Variants in RADX observed in about 807,000 individuals in gnomAD.
RADX encodes RPA-related protein RADX.
In RADX, 36 loss-of-function variants were observed where a neutral mutation model predicts 61.6. That is an observed-to-expected ratio of 0.58 (90% CI 0.45 to 0.77). The LOEUF is 0.77. RADX is among the 30% of genes least tolerant of loss of function. The pLI is 0.00. For missense variants in RADX, 497 were observed against 651.1 expected, an observed-to-expected ratio of 0.76 and a Z score of 2.58; for synonymous variants, 272 against 237.9, an observed-to-expected ratio of 1.14 and a Z score of -1.32.
intron 12 of RADX, among the ~76,000 whole-genome samples, chrX:106,665,735 G>A (rs1036468783): frequency 2.7e-5 from 3 of 111,966 alleles, no homozygotes; most frequent in Non-Finnish European, 5.6e-5. Flanking sequence ...AGAAGACCTC[G>A]TAATTTTGAA....
intron 2 of RADX, among the ~76,000 whole-genome samples, chrX:106,623,099 A>G (rs1926992329): frequency 9.1e-6 from 1 of 110,497 alleles, no homozygotes; most frequent in African/African-American, 3.3e-5. Flanking sequence ...AACATACTCT[A>G]GTCTCCCATT....
At chrX:106,652,990 A>C (rs961225340) in intron 11 of RADX, among the ~76,000 whole-genome samples, 1 of 107,901 alleles carries the variant, frequency 9.3e-6, no homozygotes, top group African/African-American at 3.4e-5. Flanking sequence ...TGTCAAAAAA[A>C]AAAAAAAAAA....
At chrX:106,637,631 G>C in intron 7 of RADX, 129 bp from the exon 8 acceptor site, 2 of 511,876 alleles carry the variant, frequency 3.9e-6, no homozygotes, top group Non-Finnish European at 6.3e-6. Context: ...AAACTTGACT[G>C]TTTTTTTCTT....
At chrX:106,631,305 G>T (rs1927210811) in intron 3 of RADX, among the ~76,000 whole-genome samples, 1 of 111,855 alleles carries the variant, frequency 8.9e-6, no homozygotes, top group Non-Finnish European at 1.9e-5. Flanking sequence ...TCACAGAAGA[G>T]AATGCATATA....
At chrX:106,657,311 T>G (rs1460912285) in intron 11 of RADX, among the ~76,000 whole-genome samples, 3 of 112,481 alleles carry the variant, frequency 2.7e-5, no homozygotes, top group Non-Finnish European at 5.6e-5. Context: ...GAATTAGGCT[T>G]TGGCCTTAGG....
intron 13 of RADX, among the ~76,000 whole-genome samples, chrX:106,671,987 A>C (rs752080346): frequency 1.1e-3 from 122 of 111,566 alleles, no homozygotes; most frequent in Non-Finnish European, 1.8e-3. Flanking sequence ...ATATGTACTC[A>C]AATACACTAG....
intron 8 of RADX, chrX:106,639,198 G>T: frequency 6.7e-6 from 1 of 150,065 alleles, no homozygotes; most frequent in Non-Finnish European, 1.3e-5. Context: ...ATATGTAATA[G>T]TGTTTGAAAT....
At chrX:106,624,106 T>C (rs1216934683) in intron 2 of RADX, among the ~76,000 whole-genome samples, 1 of 111,579 alleles carries the variant, frequency 9.0e-6, no homozygotes, top group Non-Finnish European at 1.9e-5. Context: ...ATACCTCTGC[T>C]CACGTTGTTT....
At chrX:106,622,848 A>C (rs2147613350) in intron 2 of RADX, 55 bp downstream of exon 2, 1 of 694,140 alleles carries the variant, frequency 1.4e-6, no homozygotes, top group East Asian at 3.7e-5. Flanking sequence ...TATAGCTTAC[A>C]CACCTCACTC....
intron 10 of RADX, among the ~76,000 whole-genome samples, chrX:106,644,046 A>G (rs1194557938): frequency 9.0e-6 from 1 of 111,218 alleles, no homozygotes; most frequent in Non-Finnish European, 1.9e-5. Context: ...GCTGTCGTAA[A>G]TGGGATTACT....
At chrX:106,673,728 G>T (rs954316069) in intron 13 of RADX, among the ~76,000 whole-genome samples, 1 of 97,125 alleles carries the variant, frequency 1.0e-5, no homozygotes, top group Non-Finnish European at 2.0e-5. Context: ...TCTGAGTCCA[G>T]TTCAGCACTA....
rs760128227 is a variant in RADX, at chrX:106,612,268, C to T, written c.188C>T (p.Pro63Leu). The part of the protein sequence containing the change: ...IMDSPRQCVT[P>L]SEVVPVTVLA... ...GACTCACCTCGCCAGTGTGTCACCC[C>T]CTCGGAGGTGGTGCCTGTAACTGTG... is the stretch of plus-strand genomic sequence containing the variant. Residue 63 changes from proline to leucine, a missense_variant, in exon 1 of 14, where the codon CCC becomes CTC. Physicochemically the swap from Pro to Leu is moderately conservative, Grantham distance 98 (BLOSUM62 -3). Transcript: ENST00000372548. The T allele has an allele frequency of 5.0e-6, 6 of 1,209,057 alleles. No homozygotes were observed. Among genetic ancestry groups the T allele is most frequent in the Non-Finnish European group, 6.7e-6 (6 of 895,038 alleles).
In RADX at chrX:106,637,920, T is replaced by A. The variant is rs1603044918; in HGVS notation, c.1569T>A (p.Ile523=). Residue 523 remains isoleucine (I), a synonymous_variant, in exon 8 of 14, where the codon ATT becomes ATA. Coordinates refer to ENST00000372548, the MANE Select transcript of RADX (RefSeq NM_018015.6). Reference sequence around the variant, plus strand: ...CATTTTCCAAGTATAGTAGTTCTATTAAAGGTACTAATGTAATTGCCAGTC... The same window carrying A: ...CATTTTCCAAGTATAGTAGTTCTATAAAAGGTACTAATGTAATTGCCAGTC... ...PETFSKYSSS[I]KVESLLTAIS... The A allele has an allele frequency of 8.4e-7, 1 of 1,192,464 alleles. No individual in the cohort carries two copies. Among genetic ancestry groups the A allele is most frequent in the Non-Finnish European group, 1.1e-6 (1 of 879,468 alleles).
intron 11 of RADX, among the ~76,000 whole-genome samples, chrX:106,649,584 C>T (rs1927746599): frequency 9.0e-6 from 1 of 111,687 alleles, no homozygotes; most frequent in Admixed American, 9.5e-5. Flanking sequence ...ATGTGTCAGG[C>T]ACTGTGCTGA....
chrX:106,616,398 G>A lies in RADX; in HGVS notation c.643+3675G>A, dbSNP rs185882264. 2.1e-4 allele frequency among the ~76,000 whole-genome samples: 23 copies of A among 111,556 alleles called. No homozygotes were observed. In the East Asian group the frequency reaches 5.9e-3, roughly 29 times the overall value. ...CTAATAACAAAATCTATAATGAGGA[G>A]ATGTTTTCTACTTAATTTCTGCTAT... On this transcript the variant is annotated intron_variant, in intron 1 of 13. Coordinates refer to ENST00000372548, the MANE Select transcript of RADX (RefSeq NM_018015.6).
At chrX:106,619,473 T>C (rs1330971055) in intron 1 of RADX, among the ~76,000 whole-genome samples, 4 of 112,057 alleles carry the variant, frequency 3.6e-5, no homozygotes, top group Non-Finnish European at 7.5e-5. Flanking sequence ...ACAATTTCTA[T>C]ACTTTATTAG....
At position 106,648,386 on chromosome X, in the gene RADX, C is replaced by A; in HGVS notation, c.1978C>A (p.Arg660Ser). Residue 660 changes from arginine (R) to serine (S), a missense_variant and splice_region_variant, in exon 11 of 14, where the codon CGT becomes AGT. By Grantham distance (110) the Arg-to-Ser change is moderately radical. This residue lies in a region of RADX where 267 missense variants were observed against 306.9 expected (regional missense o/e 0.87). Transcript: ENST00000372548. The stretch of plus-strand genomic sequence containing the variant: ...ACCGGGCATGCCAAGCATCTTCAAC[C>A]GTATGTTACTATTTGTTATTATTAT... ...IKPGMPSIFN[R>S]RANINANLQG... is the part of the protein sequence containing the mutation. 8.7e-7 allele frequency: 1 copy of A among 1,147,194 alleles called. No homozygotes were observed. The highest frequency in any genetic ancestry group is 1.2e-6 in the Non-Finnish European group (1 of 840,495). 94.5% of individuals were successfully genotyped at this position (1,147,194 alleles called of 1,213,427 possible).
intron 11 of RADX, among the ~76,000 whole-genome samples, chrX:106,653,600 A>T (rs1288303540): frequency 9.2e-6 from 1 of 109,110 alleles, no homozygotes; most frequent in Admixed American, 9.9e-5. Context: ...GGTTTGTTAC[A>T]TAGGTATATA....
chrX:106,640,632 G>A lies in RADX; in HGVS notation c.1815G>A (p.Glu605=). The A allele has an allele frequency of 8.4e-7, 1 of 1,192,016 alleles. No individual in the cohort carries two copies. The highest frequency in any genetic ancestry group is 1.1e-6 in the Non-Finnish European group (1 of 879,297). Residue 605 remains glutamate, a synonymous_variant, in exon 10 of 14, where the codon GAG becomes GAA. Coordinates refer to ENST00000372548, the MANE Select transcript of RADX (RefSeq NM_018015.6). ...ATGGTAAACGGCATCAAGATGATGA[G>A]CCTGTGAATTCTCAGTATTTCCAAA... is the stretch of plus-strand genomic sequence containing the variant. ...ERNGKRHQDD[E]PVNSQYFQTT...
Sources: allele counts gnomAD v4.1 joint callset (sites outside exome capture counted in the v4.1 genomes callset), GRCh38; gene constraint gnomAD v4.1.1; regional missense constraint gnomAD v4.1.1; transcripts MANE v1.5; gene names NCBI Gene and HGNC (gene_info 2026-07-23, HGNC 2026-07-21).